PRELID3A: variants seen among roughly 807,000 people sequenced by gnomAD.
PRELID3A encodes the protein PRELI domain containing protein 3A.
A neutral mutation model predicts 23.0 loss-of-function variants in PRELID3A; 27 were observed. The ratio of observed to expected loss-of-function variants is 1.17; its 90% CI spans 0.87 to 1.62. PRELID3A has a LOEUF of 1.62. Ranked by LOEUF, PRELID3A falls within the 40% of genes most tolerant of loss-of-function variation. PRELID3A has a pLI of 0.00. For synonymous variants in PRELID3A, 87 were observed against 86.4 expected (o/e 1.01, Z -0.04); for missense variants, 231 against 231.4 (o/e 1.00, Z 0.01).
intron 5 of PRELID3A, 50 bp downstream of exon 5, chr18:12,427,373 C>T (rs1316367564): frequency 1.5e-6 from 2 of 1,306,106 alleles, no homozygotes; most frequent in Non-Finnish European, 2.2e-6. Flanking sequence ...TTGTTAAGTG[C>T]CAGATTAAGA....
At chr18:12,416,244 T>A (rs1458153075) in intron 1 of PRELID3A, among the ~76,000 whole-genome samples, 1 of 152,206 alleles carries the variant, frequency 6.6e-6, no homozygotes, top group Non-Finnish European at 1.5e-5. Flanking sequence ...ATTGCCAGAC[T>A]TGTCTATTTT....
rs753783748 is a variant in PRELID3A at position 12,430,755 on chromosome 18, CATGTGTGTG to C, written c.*34-385_*34-377del. On this transcript the variant is annotated intron_variant, in intron 6 of 6. Coordinates refer to ENST00000440960, the MANE Select transcript of PRELID3A (RefSeq NM_001142405.2). The stretch of plus-strand genomic sequence containing the variant: ...AATGTGTATGTGTGTGGTGTGTGTG[CATGTGTGTG>C]ATGTGTGTGCATGCGTGTATGATGT... Among the ~76,000 whole-genome samples, 83 of 89,380 alleles carry C rather than the reference CATGTGTGTG, an allele frequency of 9.3e-4. 1 individual carries two copies. The highest frequency in any genetic ancestry group is 7.2e-3 in the Middle Eastern group (1 of 138). The allele number at this position is 89,380 out of a possible 152,430, so 58.6% of individuals were successfully genotyped here. A position where few individuals can be genotyped will look rare whatever the true frequency, so the allele number is the denominator to read the frequency against.
At chr18:12,418,804 C>T (rs540120320) in intron 1 of PRELID3A, among the ~76,000 whole-genome samples, 4 of 152,218 alleles carry the variant, frequency 2.6e-5, no homozygotes, top group Admixed American at 6.5e-5. Context: ...TCCCTTCAGA[C>T]GTGTGTCTGA....
chr18:12,425,562 G>A (rs1466321489), intron 3 of PRELID3A, among the ~76,000 whole-genome samples: 3 of 151,722 alleles, frequency 2.0e-5, no homozygotes, highest in Admixed American at 2.0e-4. Context: ...AACCCAGAAG[G>A]CGGAGCTTGC....
chr18:12,416,839 G>C (rs2029974132), intron 1 of PRELID3A, among the ~76,000 whole-genome samples: 1 of 151,858 alleles, frequency 6.6e-6, no homozygotes, highest in Non-Finnish European at 1.5e-5. Context: ...TAGAGTCGGG[G>C]TTTCACCGTG....
intron 3 of PRELID3A, among the ~76,000 whole-genome samples, chr18:12,426,015 T>G (rs2030349800): frequency 6.6e-6 from 1 of 151,772 alleles, no homozygotes; most frequent in Non-Finnish European, 1.5e-5. Context: ...GGCAGACAGA[T>G]CACGAGGTCA....
At chr18:12,416,739 G>A (rs551942214) in intron 1 of PRELID3A, among the ~76,000 whole-genome samples, 6 of 151,064 alleles carry the variant, frequency 4.0e-5, no homozygotes, top group African/African-American at 1.2e-4. Flanking sequence ...TCCGCCTCCC[G>A]GGTTCACGCC....
intron 1 of PRELID3A, among the ~76,000 whole-genome samples, chr18:12,411,994 T>A (rs1276397649): frequency 6.7e-6 from 1 of 149,266 alleles, no homozygotes; most frequent in African/African-American, 2.5e-5. Context: ...CACTGCAAGC[T>A]CCGCCTCCCG....
intron 1 of PRELID3A, among the ~76,000 whole-genome samples, chr18:12,411,065 C>T (rs1909891599): frequency 6.6e-6 from 1 of 151,984 alleles, no homozygotes; most frequent in East Asian, 1.9e-4. Flanking sequence ...AAACTCCGCC[C>T]CTGAGATCAT....
At chr18:12,429,297 T>C in intron 5 of PRELID3A, 53 bp from the exon 6 acceptor site, 1 of 1,524,360 alleles carries the variant, frequency 6.6e-7, no homozygotes, top group Non-Finnish European at 9.1e-7. Context: ...GCTTGCTGTC[T>C]GCAGCGGGAG....
Position 12,432,028 on chromosome 18 carries a change from A to T in PRELID3A, c.*912A>T, listed in dbSNP as rs942951175. The T allele has an allele frequency of 6.6e-6, 1 of 152,260 alleles. No individual in the cohort carries two copies. Among genetic ancestry groups the T allele is most frequent in the African/African-American group, 2.4e-5 (1 of 41,468 alleles). 9.4% of individuals were successfully genotyped at this position (152,260 alleles called of 1,614,324 possible). On this transcript the variant is annotated 3_prime_UTR_variant, in exon 7 of 7. Transcript: ENST00000440960. Reference sequence around the variant, plus strand: ...AATCAAAGTTGTTTAAAACAACATTAATTTTAAAAAATACATAAAAGCAAC... The same window carrying T: ...AATCAAAGTTGTTTAAAACAACATTTATTTTAAAAAATACATAAAAGCAAC...
Position 12,420,505 on chromosome 18 carries a change from G to C in PRELID3A, c.201+12G>C. 1 of 1,512,164 alleles carries C rather than the reference G, an allele frequency of 6.6e-7. No individual in the cohort carries two copies. The highest frequency in any genetic ancestry group is 2.5e-5 in the East Asian group (1 of 39,734). 93.7% of individuals were successfully genotyped at this position (1,512,164 alleles called of 1,614,324 possible). On this transcript the variant is annotated intron_variant, in intron 2 of 6. Coordinates refer to ENST00000440960, the MANE Select transcript of PRELID3A (RefSeq NM_001142405.2). ...GCCTCGTGAGAGCGGTGAGCGGGGCGGGGGCTGCGGCTCCGAACGCGCCCG... is the reference window on the plus strand; with the variant it reads ...GCCTCGTGAGAGCGGTGAGCGGGGCCGGGGCTGCGGCTCCGAACGCGCCCG...
At chr18:12,420,093 A>AG (rs2030104467) in intron 1 of PRELID3A, 1 of 1,404,640 alleles carries the variant, frequency 7.1e-7, no homozygotes, top group Admixed American at 2.9e-5. Context: ...CGACAGAGTG[A>AG]GACCCTGTCT....
intron 2 of PRELID3A, 118 bp downstream of exon 2, chr18:12,420,611 G>T: frequency 4.4e-6 from 5 of 1,147,036 alleles, no homozygotes; most frequent in Non-Finnish European, 5.8e-6. Context: ...TGCCATCGGG[G>T]TGGGAGGGCG....
chr18:12,416,059 A>C (rs1446598100), intron 1 of PRELID3A, among the ~76,000 whole-genome samples: 1 of 152,188 alleles, frequency 6.6e-6, no homozygotes, highest in African/African-American at 2.4e-5. Context: ...AAACTTCAGC[A>C]CATTCCTCTT....
At chr18:12,415,387 G>A (rs2029916047) in intron 1 of PRELID3A, among the ~76,000 whole-genome samples, 1 of 152,068 alleles carries the variant, frequency 6.6e-6, no homozygotes, top group Non-Finnish European at 1.5e-5. Flanking sequence ...AGGCTCCTAA[G>A]TAGCTGGGAC....
chr18:12,427,261 A>T lies in PRELID3A; in HGVS notation c.403A>T (p.Ile135Phe). Reference sequence around the variant, plus strand: ...AGAAGCCATCATCACTGTGAAGGGGATTAGCCTTGGTAGTTATTTGGAAAG... The same window carrying T: ...AGAAGCCATCATCACTGTGAAGGGGTTTAGCCTTGGTAGTTATTTGGAAAG... ...TQEAIITVKGISLGSYLESLM... is the reference protein window; with the variant it reads ...TQEAIITVKGFSLGSYLESLM... Residue 135 changes from isoleucine to phenylalanine, a missense_variant, in exon 5 of 7, where the codon ATT (isoleucine) becomes TTT (phenylalanine). By Grantham distance (21) the Ile-to-Phe change is conservative (BLOSUM62 0). Transcript: ENST00000440960. 1 of 1,614,184 alleles carries T rather than the reference A, an allele frequency of 6.2e-7. No individual in the cohort carries two copies. Among genetic ancestry groups the T allele is most frequent in the Non-Finnish European group, 8.5e-7 (1 of 1,180,038 alleles).
chr18:12,412,682 A>G (rs1465065216), intron 1 of PRELID3A, among the ~76,000 whole-genome samples: 3 of 152,190 alleles, frequency 2.0e-5, no homozygotes, highest in Non-Finnish European at 4.4e-5. Context: ...CCACTCAATC[A>G]AGGGCCCACT....
At chr18:12,420,139 A>T (rs1874303452) in intron 1 of PRELID3A, 186 bp from the exon 2 acceptor site, 2 of 1,425,708 alleles carry the variant, frequency 1.4e-6, no homozygotes, top group East Asian at 5.1e-5. Context: ...CCAGGTGCCG[A>T]GGCGTGCAGG....
Sources: allele counts gnomAD v4.1 joint callset (sites outside exome capture counted in the v4.1 genomes callset), GRCh38; gene constraint gnomAD v4.1.1; transcripts MANE v1.5; gene names NCBI Gene and HGNC (gene_info 2026-07-23, HGNC 2026-07-21).